Variants in KLHL20 observed in about 807,000 individuals in gnomAD.
KLHL20 encodes kelch-like protein 20.
In KLHL20, 29 loss-of-function variants were observed where a neutral mutation model predicts 69.5. That is an observed-to-expected ratio of 0.42 (90% confidence interval 0.31 to 0.57). The LOEUF (loss-of-function observed/expected upper bound fraction) is 0.57, where lower values mean the gene tolerates loss of function less well. KLHL20 is among the 20% of genes least tolerant of loss of function. KLHL20 has a pLI of 0.18. For missense variants in KLHL20, 419 were observed against 776.0 expected (o/e 0.54, Z 5.47); for synonymous variants, 253 against 265.2 (o/e 0.95, Z 0.45).
intron 2 of KLHL20, among the ~76,000 whole-genome samples, chr1:173,727,991 G>T (rs972334742): frequency 6.6e-6 from 1 of 152,144 alleles, no homozygotes; most frequent in East Asian, 1.9e-4. Flanking sequence ...TCAGTGTGCT[G>T]TATTCAGGAA....
chr1:173,780,806 T>C (rs61827865), intron 10 of KLHL20, among the ~76,000 whole-genome samples: 33,509 of 151,692 alleles, frequency 0.22, 4,269 homozygotes, highest in Middle Eastern at 0.39. Flanking sequence ...CTTGGCTCAC[T>C]GCAACCTCCA....
At chr1:173,764,004 A>C (rs1032132208) in intron 7 of KLHL20, among the ~76,000 whole-genome samples, 2 of 152,210 alleles carry the variant, frequency 1.3e-5, no homozygotes, top group Non-Finnish European at 2.9e-5. Context: ...ACTAATATCC[A>C]GAATCTACAG....
intron 3 of KLHL20, among the ~76,000 whole-genome samples, chr1:173,740,357 G>A (rs750386015): frequency 1.1e-4 from 17 of 151,528 alleles, no homozygotes; most frequent in Admixed American, 3.3e-4. Flanking sequence ...TGATCCACCC[G>A]CCTCGGCCTC....
rs1369767897 is a variant in KLHL20 at position 173,734,301 on chromosome 1, G to A, written c.597+15G>A. On this transcript the variant is annotated intron_variant, in intron 3 of 11. Transcript: ENST00000209884. ...ACTTTCAAGAGGTGAGTTGCACTTG[G>A]TGTTCCAATGCACCCATTTGTTGGA... is the stretch of plus-strand genomic sequence containing the variant. 6.2e-7 allele frequency: 1 copy of A among 1,608,302 alleles called. No individual in the cohort carries two copies. Among genetic ancestry groups the A allele is most frequent in the South Asian group, 1.1e-5 (1 of 90,918 alleles).
At chr1:173,783,918 G>GAAC (rs537256357) in intron 11 of KLHL20, among the ~76,000 whole-genome samples, 11 of 149,906 alleles carry the variant, frequency 7.3e-5, no homozygotes, top group African/African-American at 2.2e-4. Flanking sequence ...ATACAAAACT[G>GAAC]AACAACAACA....
At chr1:173,744,588 CAT>C (rs1672972303) in intron 3 of KLHL20, among the ~76,000 whole-genome samples, 1 of 152,072 alleles carries the variant, frequency 6.6e-6, no homozygotes, top group Non-Finnish European at 1.5e-5. Context: ...GAAATTTACA[CAT>C]ATTTTTTCTA....
intron 2 of KLHL20, among the ~76,000 whole-genome samples, chr1:173,724,642 A>C (rs1671869953): frequency 6.6e-6 from 1 of 152,188 alleles, no homozygotes; most frequent in Non-Finnish European, 1.5e-5. Context: ...ATATGAATAT[A>C]AGATACAAAT....
intron 2 of KLHL20, among the ~76,000 whole-genome samples, chr1:173,719,617 C>CAA (rs58489961): frequency 6.9e-5 from 9 of 130,236 alleles, no homozygotes; most frequent in African/African-American, 2.5e-4. Context: ...GAATCCGTCT[C>CAA]AAAAAAAAAA....
chr1:173,723,189 CT>C (rs1477271763), intron 2 of KLHL20, among the ~76,000 whole-genome samples: 3 of 152,058 alleles, frequency 2.0e-5, no homozygotes, highest in Non-Finnish European at 2.9e-5. Context: ...TTAATTGTTA[CT>C]TTTTTAAAAA....
chr1:173,775,085 A>T (rs1450509354), intron 9 of KLHL20, among the ~76,000 whole-genome samples: 1 of 152,188 alleles, frequency 6.6e-6, no homozygotes, highest in Admixed American at 6.5e-5. Flanking sequence ...TGCTGGAATT[A>T]TAAGTGTGAG....
In KLHL20 at chr1:173,773,271, CT is replaced by C. The variant is rs942557054; in HGVS notation, c.1296-1022del. On this transcript the variant is annotated intron_variant, in intron 8 of 11. Transcript: ENST00000209884. ...ACAGGCATGAGCCACCACACACAGC[CT>C]TTTTTTTTTTTATCTTTTTTTTAAG... Among the ~76,000 whole-genome samples, 116 of 142,630 alleles carry C rather than the reference CT, an allele frequency of 8.1e-4. 1 individual carries two copies. Among genetic ancestry groups the C allele is most frequent in the East Asian group, 3.7e-3 (18 of 4,910 alleles). 93.6% of individuals were successfully genotyped at this position (142,630 alleles called of 152,430 possible).
intron 6 of KLHL20, 75 bp from the exon 7 acceptor site, chr1:173,756,901 A>G: frequency 7.1e-7 from 1 of 1,402,572 alleles, no homozygotes; most frequent in Non-Finnish European, 9.9e-7. Context: ...ATTAGGTCAC[A>G]GTGAAGTTAG....
chr1:173,743,925 AG>A (rs1206130132), intron 3 of KLHL20, among the ~76,000 whole-genome samples: 1 of 152,134 alleles, frequency 6.6e-6, no homozygotes, highest in African/African-American at 2.4e-5. Flanking sequence ...TTGAGCATTT[AG>A]GTAGCTTTAA....
At chr1:173,746,713 T>A (rs1433187424) in intron 3 of KLHL20, among the ~76,000 whole-genome samples, 1 of 152,098 alleles carries the variant, frequency 6.6e-6, no homozygotes, top group African/African-American at 2.4e-5. Context: ...ATTAATTAGA[T>A]CTACCTTTTT....
chr1:173,769,780 CA>C (rs5779440), intron 8 of KLHL20, among the ~76,000 whole-genome samples: 18,209 of 87,026 alleles, frequency 0.21, 1,191 homozygotes, highest in East Asian at 0.39. Flanking sequence ...GACCCTGTCT[CA>C]AAAAAAAAAA....
At chr1:173,780,866 A>C (rs963962918) in intron 10 of KLHL20, among the ~76,000 whole-genome samples, 1 of 151,914 alleles carries the variant, frequency 6.6e-6, no homozygotes, top group Non-Finnish European at 1.5e-5. Flanking sequence ...AGTAGCTAGG[A>C]CTACAGGTGC....
At chr1:173,715,962 G>C (rs1156442509) in intron 1 of KLHL20, 41 bp from the exon 2 acceptor site, 2 of 1,387,398 alleles carry the variant, frequency 1.4e-6, no homozygotes, top group African/African-American at 2.9e-5. Context: ...GTAAAGATCA[G>C]AAATAGCTTT....
intron 2 of KLHL20, 28 bp from the exon 3 acceptor site, chr1:173,733,685 T>TTC: frequency 6.6e-7 from 1 of 1,514,554 alleles, no homozygotes; most frequent in Non-Finnish European, 9.0e-7. Flanking sequence ...TACTGCCATC[T>TTC]TCTCTCTCTC....
In KLHL20 at chr1:173,733,931, C is replaced by G. The variant is rs1327246835; in HGVS notation, c.242C>G (p.Ala81Gly). The G allele has an allele frequency of 6.2e-7, 1 of 1,614,160 alleles. No homozygotes were observed. Among genetic ancestry groups the G allele is most frequent in the African/African-American group, 1.3e-5 (1 of 75,046 alleles). Reference protein sequence around the residue: ...VLVVGAKKIYAHRVILSACSP... With the variant: ...VLVVGAKKIYGHRVILSACSP... Reference sequence around the variant, plus strand: ...GTTGTGGGCGCCAAGAAGATATATGCCCATCGAGTCATTTTGTCAGCCTGT... The same window carrying G: ...GTTGTGGGCGCCAAGAAGATATATGGCCATCGAGTCATTTTGTCAGCCTGT... Residue 81 changes from alanine to glycine, a missense_variant, in exon 3 of 12, where the codon GCC (alanine) becomes GGC (glycine). Physicochemically the swap from Ala to Gly is moderately conservative, Grantham distance 60. Around this residue, in one of 6 missense-constraint regions of KLHL20, gnomAD observed 129 missense variants for 183.6 expected, o/e 0.70. Coordinates refer to ENST00000209884, the MANE Select transcript of KLHL20 (RefSeq NM_014458.4).
Sources: allele counts gnomAD v4.1 joint callset (sites outside exome capture counted in the v4.1 genomes callset), GRCh38; gene constraint gnomAD v4.1.1; regional missense constraint gnomAD v4.1.1; transcripts MANE v1.5; gene names NCBI Gene and HGNC (gene_info 2026-07-23, HGNC 2026-07-21).